The following CLYBL variants were observed in gnomAD, a reference collection of about 807,000 sequenced individuals.
CLYBL encodes the protein citramalyl-CoA lyase.
A neutral mutation model predicts 38.9 loss-of-function variants in CLYBL; 31 were observed. The observed-to-expected ratio is 0.80, with a 90% CI of 0.60 to 1.08. The LOEUF (loss-of-function observed/expected upper bound fraction) is 1.08. Ranked by LOEUF, CLYBL falls within the 50% of genes least tolerant of loss-of-function variation. The pLI, the probability that CLYBL is intolerant of heterozygous loss-of-function variation, is 0.00. For synonymous variants in CLYBL, 171 were observed against 158.6 expected (o/e 1.08, Z -0.59); for missense variants, 434 against 411.6 (o/e 1.05, Z -0.47).
intron 1 of CLYBL, among the ~76,000 whole-genome samples, chr13:99,631,408 C>T (rs1407641749): frequency 1.3e-5 from 2 of 148,806 alleles, no homozygotes; most frequent in African/African-American, 5.0e-5. Flanking sequence ...ATAATATATA[C>T]ATATATTACA....
rs375379511 is a variant in CLYBL, at chr13:99,844,939, A to G, written c.250-13922A>G. Among the ~76,000 whole-genome samples the G allele has an allele frequency of 3.3e-5, 5 of 152,216 alleles. No homozygotes were observed. The South Asian group carries it at 1.0e-3, about 32-fold the overall frequency. The stretch of plus-strand genomic sequence containing the variant: ...ATTTCCGTACAATTCCATTTTTTCC[A>G]TCCTCTTTTTATGTTTTTTAAAAAT... On this transcript the variant is annotated intron_variant, in intron 2 of 8. Transcript: ENST00000339105.
chr13:99,819,456 AT>A (rs1566340239), intron 2 of CLYBL, among the ~76,000 whole-genome samples: 1,758 of 45,764 alleles, frequency 0.038, 104 homozygotes, highest in African/African-American at 0.078. Context: ...ATATATATAT[AT>A]ATATATATAT....
intron 1 of CLYBL, among the ~76,000 whole-genome samples, chr13:99,624,121 C>G (rs2046836788): frequency 6.6e-6 from 1 of 152,160 alleles, no homozygotes; most frequent in African/African-American, 2.4e-5. Context: ...AGCATGTCCT[C>G]CCTTCCCTGC....
At chr13:99,660,291 C>CA (rs2047390224) in intron 1 of CLYBL, among the ~76,000 whole-genome samples, 1 of 152,180 alleles carries the variant, frequency 6.6e-6, no homozygotes, top group Non-Finnish European at 1.5e-5. Flanking sequence ...TTGGGAAAGG[C>CA]AATTGAACAG....
intron 1 of CLYBL, among the ~76,000 whole-genome samples, chr13:99,678,239 T>C (rs1477323827): frequency 2.0e-5 from 3 of 152,234 alleles, no homozygotes; most frequent in African/African-American, 7.2e-5. Flanking sequence ...ACATCTGCAC[T>C]GCGGCAGAGT....
At chr13:99,819,125 C>T (rs1431202326) in intron 2 of CLYBL, among the ~76,000 whole-genome samples, 2 of 151,804 alleles carry the variant, frequency 1.3e-5, no homozygotes, top group Non-Finnish European at 2.9e-5. Flanking sequence ...GCGGGAGAAT[C>T]GCTTGAGGCC....
At position 99,865,403 on chromosome 13, in the gene CLYBL, C is replaced by T. The variant is rs1003507282; in HGVS notation, c.634+492C>T. Reference sequence around the variant, plus strand: ...CTTAAATTTCTCTTACAATATGTTTCGAACTCTTAGTATTAAATGTGCTGA... The same window carrying T: ...CTTAAATTTCTCTTACAATATGTTTTGAACTCTTAGTATTAAATGTGCTGA... On this transcript the variant is annotated intron_variant, in intron 5 of 8. Transcript: ENST00000339105. The surrounding 1 kb of genome is among the most constrained non-coding windows in gnomAD (Gnocchi z 4.7). Among the ~76,000 whole-genome samples the T allele has an allele frequency of 2.6e-5, 4 of 152,158 alleles. No homozygotes were observed. Among genetic ancestry groups the T allele is most frequent in the Admixed American group, 1.3e-4 (2 of 15,282 alleles).
Position 99,612,776 on chromosome 13 carries a change from C to G in CLYBL, c.62+6019C>G, listed in dbSNP as rs537237712. Among the ~76,000 whole-genome samples the G allele has an allele frequency of 4.3e-4, 65 of 152,196 alleles. 1 individual carries two copies. In the South Asian group the frequency reaches 0.011, roughly 27 times the overall value. On this transcript the variant is annotated intron_variant, in intron 1 of 8. Transcript: ENST00000339105. ...TCTATAATCCCAGCACTTTGAAAGG[C>G]TGAGGTGGGAGGATCACTTGTGGCC...
In CLYBL at chr13:99,891,348, G is replaced by A. The variant is rs989315798; in HGVS notation, c.958G>A (p.Asp320Asn). Residue 320 changes from aspartate (D) to asparagine (N), a missense_variant, in exon 8 of 9, where the codon GAC becomes AAC. Transcript: ENST00000339105. Reference protein sequence around the residue: ...GAFTFQGSMIDMPLLKQAQNT... With the variant: ...GAFTFQGSMINMPLLKQAQNT... ...CTTTACTTTCCAAGGGAGTATGATC[G>A]ACATGCCATTACTGAAGCAGGCCCA... The A allele has an allele frequency of 3.2e-5, 51 of 1,613,644 alleles. No homozygotes were observed. Among genetic ancestry groups the A allele is most frequent in the Admixed American group, 8.3e-5 (5 of 59,986 alleles).
intron 1 of CLYBL, among the ~76,000 whole-genome samples, chr13:99,757,473 G>C (rs1318165650): frequency 6.6e-6 from 1 of 151,820 alleles, no homozygotes; most frequent in Non-Finnish European, 1.5e-5. Context: ...TATTTATTTC[G>C]AGATGGAGTT....
chr13:99,871,752 T>C (rs191248543), intron 7 of CLYBL, among the ~76,000 whole-genome samples: 1 of 152,220 alleles, frequency 6.6e-6, no homozygotes, highest in Admixed American at 6.5e-5. Flanking sequence ...GAAGATTTTA[T>C]GCTAGTTGCA....
At chr13:99,766,193 A>G (rs1272705263) in intron 1 of CLYBL, among the ~76,000 whole-genome samples, 1 of 149,864 alleles carries the variant, frequency 6.7e-6, no homozygotes, top group Non-Finnish European at 1.5e-5. Context: ...CTTGTAGGCA[A>G]TCTTTGTTGA....
intron 2 of CLYBL, among the ~76,000 whole-genome samples, chr13:99,785,191 CTTTTT>C (rs58550861): frequency 0.027 from 931 of 34,112 alleles, 16 homozygotes; most frequent in Non-Finnish European, 0.031. Context: ...CCCCGCCTGG[CTTTTT>C]TTTTTTTTTT....
At chr13:99,752,589 C>G (rs1426616757) in intron 1 of CLYBL, among the ~76,000 whole-genome samples, 1 of 152,042 alleles carries the variant, frequency 6.6e-6, no homozygotes, top group Non-Finnish European at 1.5e-5. Context: ...CAGGGTAAAC[C>G]AGACTGTCTA....
At chr13:99,892,157 A>C (rs2052505542) in intron 8 of CLYBL, 1 of 152,190 alleles carries the variant, frequency 6.6e-6, no homozygotes, top group South Asian at 2.1e-4. Flanking sequence ...TTTCCCGTTT[A>C]ACTGTTTGCC....
chr13:99,718,492 A>G (rs958943917), intron 1 of CLYBL, among the ~76,000 whole-genome samples: 2 of 152,158 alleles, frequency 1.3e-5, no homozygotes, highest in Admixed American at 6.5e-5. Flanking sequence ...CTATTTCCCA[A>G]ATGCCTTCAG....
At chr13:99,631,331 A>ATGTG (rs10643696) in intron 1 of CLYBL, among the ~76,000 whole-genome samples, 5,154 of 145,168 alleles carry the variant, frequency 0.036, 147 homozygotes, top group East Asian at 0.16. Context: ...CCAAATATTT[A>ATGTG]TGTGTGTGTG....
rs368046128 is a variant in CLYBL, at chr13:99,851,476, CTTTG to C, written c.250-7381_250-7378del. On this transcript the variant is annotated intron_variant, in intron 2 of 8. Coordinates refer to ENST00000339105, the MANE Select transcript of CLYBL (RefSeq NM_206808.5). ...ATTTAAAGAAGATTTAAAAGGAAAA[CTTTG>C]TTTTATATATATATTGCCCCCATTT... 4.7e-3 allele frequency among the ~76,000 whole-genome samples: 708 copies of C among 149,162 alleles called. 7 individuals are homozygous for C. The highest frequency in any genetic ancestry group is 0.016 in the African/African-American group (667 of 40,556).
intron 2 of CLYBL, among the ~76,000 whole-genome samples, chr13:99,778,663 G>C (rs2049573540): frequency 6.6e-6 from 1 of 152,156 alleles, no homozygotes; most frequent in Non-Finnish European, 1.5e-5. Flanking sequence ...TGATAAAAAA[G>C]ACTGCCTCCA....
Sources: allele counts gnomAD v4.1 joint callset (sites outside exome capture counted in the v4.1 genomes callset), GRCh38; gene constraint gnomAD v4.1.1; non-coding constraint Gnocchi (gnomAD v3.1); transcripts MANE v1.5; gene names NCBI Gene and HGNC (gene_info 2026-07-23, HGNC 2026-07-21).